Variants in ERBB4 observed in about 807,000 individuals in gnomAD.
ERBB4 encodes erb-b2 receptor tyrosine kinase 4.
In ERBB4, 42 loss-of-function variants were observed where a neutral mutation model predicts 158.0. The ratio of observed to expected loss-of-function variants is 0.27; its 90% CI spans 0.21 to 0.34. ERBB4 has a LOEUF of 0.34. Among genes scored for constraint, ERBB4 ranks in the 10% least tolerant of loss-of-function variants. The probability of loss-of-function intolerance (pLI) is 1.00; values close to 1 mark genes in which losing one functional copy is unlikely to be tolerated. For synonymous variants in ERBB4, 583 were observed against 558.7 expected (o/e 1.04, Z -0.61); for missense variants, 1,333 against 1,624.1 (o/e 0.82, Z 3.08).
chr2:212,421,691 C>A (rs1325674152), intron 1 of ERBB4, among the ~76,000 whole-genome samples: 1 of 152,074 alleles, frequency 6.6e-6, no homozygotes, highest in African/African-American at 2.4e-5. Context: ...TCAAAACTAT[C>A]CACATCACTA....
chr2:211,431,988 G>A lies in ERBB4; in HGVS notation c.2488-888C>T, dbSNP rs149633330. 3.2e-3 allele frequency among the ~76,000 whole-genome samples: 480 copies of A among 151,842 alleles called. 3 individuals carry two copies. Among genetic ancestry groups the A allele is most frequent in the African/African-American group, 0.011 (463 of 41,428 alleles). On this transcript the variant is annotated intron_variant, in intron 20 of 27. Coordinates refer to ENST00000342788, the MANE Select transcript of ERBB4 (RefSeq NM_005235.3). ...GTACTTCAGTACTAGGTAAACTAAG[G>A]GTTGCTAAACATTATGTTTAACAAA...
At chr2:211,610,190 ATG>A (rs1054164716) in intron 19 of ERBB4, among the ~76,000 whole-genome samples, 6 of 152,096 alleles carry the variant, frequency 3.9e-5, no homozygotes, top group East Asian at 3.9e-4. Context: ...AGATTTTTAG[ATG>A]TGTCTTTTTA....
At chr2:212,290,608 G>A (rs889075417) in intron 1 of ERBB4, among the ~76,000 whole-genome samples, 7 of 152,076 alleles carry the variant, frequency 4.6e-5, no homozygotes, top group Admixed American at 6.6e-5. Flanking sequence ...ATTTTCCATA[G>A]CAACAGGCCA....
chr2:212,178,008 T>G (rs2081731516), intron 1 of ERBB4, among the ~76,000 whole-genome samples: 1 of 151,392 alleles, frequency 6.6e-6, no homozygotes, highest in Admixed American at 6.6e-5. Flanking sequence ...CATGGAGGAA[T>G]GTTTCAAACA....
rs188470762 is a variant in ERBB4 at position 211,387,779 on chromosome 2, G to A, written c.3183+166C>T. Among the ~76,000 whole-genome samples the A allele has an allele frequency of 6.8e-3, 1,036 of 151,750 alleles. 14 individuals are homozygous for A. Among genetic ancestry groups the A allele is most frequent in the South Asian group, 0.021 (100 of 4,828 alleles). ...ATGATATCTCAATTTCGGATTATCA[G>A]CTGAGATAAAAACACATCTACAAAG... On this transcript the variant is annotated intron_variant, in intron 26 of 27. Transcript: ENST00000342788.
chr2:211,593,232 A>G lies in ERBB4; in HGVS notation c.2301+25945T>C, dbSNP rs193225077. Among the ~76,000 whole-genome samples the G allele has an allele frequency of 5.3e-5, 8 of 152,318 alleles. No individual in the cohort carries two copies. The East Asian group carries it at 1.5e-3, about 29-fold the overall frequency. On this transcript the variant is annotated intron_variant, in intron 19 of 27. Transcript: ENST00000342788. ...AAAGTAAAGTAGGCTATAGCAGCTA[A>G]CAAACTTGAAGAAGAGAGAAGGGTT...
At chr2:211,992,567 G>GGAA (rs1553528769) in intron 2 of ERBB4, among the ~76,000 whole-genome samples, 1 of 125,242 alleles carries the variant, frequency 8.0e-6, no homozygotes, top group African/African-American at 2.9e-5. Context: ...GAGAGAGAGA[G>GGAA]AAAAAAAAAA....
At chr2:212,329,803 T>A (rs2088044604) in intron 1 of ERBB4, among the ~76,000 whole-genome samples, 1 of 152,136 alleles carries the variant, frequency 6.6e-6, no homozygotes, top group Non-Finnish European at 1.5e-5. Flanking sequence ...AAATCTTGAA[T>A]CTAACCCAAT....
At chr2:211,520,500 G>A (rs543428561) in intron 20 of ERBB4, among the ~76,000 whole-genome samples, 1 of 152,174 alleles carries the variant, frequency 6.6e-6, no homozygotes, top group Non-Finnish European at 1.5e-5. Flanking sequence ...TTAAAGGGAT[G>A]AAGAAGAAAG....
intron 3 of ERBB4, among the ~76,000 whole-genome samples, chr2:211,852,655 G>GTTT (rs2077748192): frequency 4.3e-5 from 6 of 138,428 alleles, no homozygotes; most frequent in South Asian, 2.2e-4. Flanking sequence ...TTTTTTTGCC[G>GTTT]TTGCCATCAC....
At chr2:211,901,457 C>T (rs904388323) in intron 3 of ERBB4, among the ~76,000 whole-genome samples, 3 of 152,112 alleles carry the variant, frequency 2.0e-5, no homozygotes, top group East Asian at 1.9e-4. Context: ...TCAGAGCCCA[C>T]GGAGATAACC....
At chr2:211,729,241 C>T (rs1467392189) in intron 5 of ERBB4, among the ~76,000 whole-genome samples, 3 of 151,622 alleles carry the variant, frequency 2.0e-5, no homozygotes, top group African/African-American at 7.3e-5. Flanking sequence ...AAATTATTAT[C>T]CAAATGCAGA....
At chr2:211,682,418 T>A (rs1166581402) in intron 12 of ERBB4, among the ~76,000 whole-genome samples, 5 of 152,166 alleles carry the variant, frequency 3.3e-5, no homozygotes, top group Non-Finnish European at 7.3e-5. Flanking sequence ...GTGAGGGCAA[T>A]CTGTTTCACT....
intron 20 of ERBB4, among the ~76,000 whole-genome samples, chr2:211,523,450 C>A (rs1332576469): frequency 2.6e-5 from 4 of 151,190 alleles, no homozygotes; most frequent in Non-Finnish European, 4.4e-5. Flanking sequence ...AAGCGGTGGA[C>A]CCTTGCGGTG....
chr2:211,493,156 G>C (rs1257957482), intron 20 of ERBB4, among the ~76,000 whole-genome samples: 1 of 151,954 alleles, frequency 6.6e-6, no homozygotes, highest in East Asian at 1.9e-4. Flanking sequence ...TAGTTGCTTC[G>C]AACCATTTTT....
At chr2:211,902,446 A>G (rs2079261282) in intron 3 of ERBB4, among the ~76,000 whole-genome samples, 1 of 152,046 alleles carries the variant, frequency 6.6e-6, no homozygotes, top group African/African-American at 2.4e-5. Context: ...TGTACAAAAT[A>G]GTTATTGGCA....
chr2:211,930,293 G>A (rs1320931600), intron 3 of ERBB4, among the ~76,000 whole-genome samples: 1 of 152,060 alleles, frequency 6.6e-6, no homozygotes, highest in Non-Finnish European at 1.5e-5. Context: ...TTGTATCCAA[G>A]CATATGAAAA....
chr2:211,538,130 T>C (rs147109698), intron 20 of ERBB4, among the ~76,000 whole-genome samples: 3 of 151,984 alleles, frequency 2.0e-5, no homozygotes, highest in Non-Finnish European at 4.4e-5. Context: ...TTAGTATTCT[T>C]TGAAACATAA....
intron 20 of ERBB4, among the ~76,000 whole-genome samples, chr2:211,545,576 C>T (rs1247428122): frequency 2.0e-5 from 3 of 152,084 alleles, no homozygotes; most frequent in African/African-American, 7.2e-5. Flanking sequence ...TTTTAGGGCT[C>T]AACTCAGTCT....
Sources: allele counts gnomAD v4.1 joint callset (sites outside exome capture counted in the v4.1 genomes callset), GRCh38; gene constraint gnomAD v4.1.1; transcripts MANE v1.5; gene names NCBI Gene and HGNC (gene_info 2026-07-23, HGNC 2026-07-21).